The following RBFOX3 variants were observed in gnomAD, a reference collection of about 807,000 sequenced individuals.
The protein encoded by RBFOX3 is RNA binding protein fox-1 homolog 3.
Under a neutral mutation model 48.7 loss-of-function variants are expected in RBFOX3, and 17 were observed. That is an observed-to-expected ratio of 0.35 (90% CI 0.24 to 0.52). The LOEUF (loss-of-function observed/expected upper bound fraction) is 0.52. Among genes scored for constraint, RBFOX3 ranks in the 20% least tolerant of loss-of-function variants. The pLI, the probability that RBFOX3 is intolerant of heterozygous loss-of-function variation, is 0.94. For synonymous variants in RBFOX3, 212 were observed against 209.5 expected (o/e 1.01, Z -0.10); for missense variants, 382 against 497.5 (o/e 0.77, Z 2.21).
At chr17:79,148,129 A>G (rs770698021) in intron 4 of RBFOX3, among the ~76,000 whole-genome samples, 8 of 152,202 alleles carry the variant, frequency 5.3e-5, no homozygotes, top group Non-Finnish European at 1.2e-4. Flanking sequence ...TGTCTGGCAG[A>G]CAGGAACACG....
At chr17:79,472,130 T>C (rs974952538) in intron 2 of RBFOX3, among the ~76,000 whole-genome samples, 2 of 152,252 alleles carry the variant, frequency 1.3e-5, no homozygotes, top group East Asian at 3.9e-4. Flanking sequence ...GGGTGGGCTC[T>C]GGGTCATGCC....
the RBFOX3 span, among the ~76,000 whole-genome samples, chr17:79,631,544 C>T: frequency 2.0e-5 from 3 of 152,152 alleles, no homozygotes; most frequent in Non-Finnish European, 2.9e-5. Flanking sequence ...CATGAGGGAC[C>T]GGCCAGGGCT....
At chr17:79,659,631 C>T in the RBFOX3 span, among the ~76,000 whole-genome samples, 1 of 152,332 alleles carries the variant, frequency 6.6e-6, no homozygotes, top group African/African-American at 2.4e-5. Context: ...ACCCTCCCCA[C>T]TCCCCAGAGA....
chr17:79,189,620 G>A (rs1277827480), intron 4 of RBFOX3, among the ~76,000 whole-genome samples: 3 of 152,178 alleles, frequency 2.0e-5, no homozygotes, highest in Non-Finnish European at 2.9e-5. Context: ...CTGTGATGAC[G>A]CCAAGGAGAG....
At chr17:79,128,043 G>A (rs1225956230) in intron 4 of RBFOX3, among the ~76,000 whole-genome samples, 3 of 152,228 alleles carry the variant, frequency 2.0e-5, no homozygotes, top group South Asian at 4.1e-4. Context: ...ACCGCTCAGC[G>A]CCAGGTTCTA....
At chr17:79,156,841 T>C (rs1413460707) in intron 4 of RBFOX3, among the ~76,000 whole-genome samples, 2 of 152,204 alleles carry the variant, frequency 1.3e-5, no homozygotes, top group African/African-American at 4.8e-5. Context: ...CTTCTGCTGA[T>C]GGGAACTGGC....
the RBFOX3 span, among the ~76,000 whole-genome samples, chr17:79,621,652 G>A: frequency 9.2e-5 from 14 of 152,178 alleles, no homozygotes; most frequent in Non-Finnish European, 1.9e-4. Flanking sequence ...ATAACCCAGT[G>A]TCCTTCAGAA....
chr17:79,507,402 C>T (rs1465856880), intron 1 of RBFOX3, among the ~76,000 whole-genome samples: 1 of 152,156 alleles, frequency 6.6e-6, no homozygotes, highest in Admixed American at 6.5e-5. Context: ...AATTTGGCGT[C>T]CATGGGGGCG....
chr17:79,390,478 CTTTTT>C lies in RBFOX3; in HGVS notation c.-174-82659_-174-82655del, dbSNP rs11330992. 7.1e-6 allele frequency among the ~76,000 whole-genome samples: 1 copy of C among 141,294 alleles called. No homozygotes were observed. Among genetic ancestry groups the C allele is most frequent in the Non-Finnish European group, 1.5e-5 (1 of 64,824 alleles). 92.7% of individuals were successfully genotyped at this position (141,294 alleles called of 152,430 possible). A position where few individuals can be genotyped will look rare whatever the true frequency, so the allele number is the denominator to read the frequency against. On this transcript the variant is annotated intron_variant, in intron 2 of 14. Transcript: ENST00000693108. The surrounding 1 kb of genome is among the most constrained non-coding windows in gnomAD (Gnocchi z 4.2). Reference sequence around the variant, plus strand: ...TGGAAATACAGTCTTTGCGCCACTGCTTTTTTTTTTTTTTTTTAGATGGAGTCTCG... The same window carrying C: ...TGGAAATACAGTCTTTGCGCCACTGCTTTTTTTTTTTTAGATGGAGTCTCG...
chr17:79,319,200 C>A (rs569499522), intron 2 of RBFOX3, among the ~76,000 whole-genome samples: 6 of 152,218 alleles, frequency 3.9e-5, no homozygotes, highest in Admixed American at 6.5e-5. Flanking sequence ...GTTTTTCCTG[C>A]TTTTCTTTCC....
At chr17:79,210,689 G>C (rs1188339742) in intron 4 of RBFOX3, among the ~76,000 whole-genome samples, 2 of 152,212 alleles carry the variant, frequency 1.3e-5, no homozygotes, top group African/African-American at 4.8e-5. Flanking sequence ...TCAAGAGATG[G>C]GGCTGGGGTA....
At chr17:79,121,254 G>T (rs1391791766) in intron 4 of RBFOX3, among the ~76,000 whole-genome samples, 1 of 151,942 alleles carries the variant, frequency 6.6e-6, no homozygotes, top group Non-Finnish European at 1.5e-5. Context: ...ACCATCATAT[G>T]CTCACATCTC....
At chr17:79,331,629 A>C (rs779747734) in intron 2 of RBFOX3, among the ~76,000 whole-genome samples, 4 of 152,202 alleles carry the variant, frequency 2.6e-5, no homozygotes, top group Admixed American at 6.5e-5. Context: ...CGGCACTCCC[A>C]GAAGACGGCA....
intron 3 of RBFOX3, among the ~76,000 whole-genome samples, chr17:79,267,623 T>G (rs1222926933): frequency 1.3e-5 from 2 of 152,154 alleles, no homozygotes; most frequent in Non-Finnish European, 2.9e-5. Flanking sequence ...ACTCCTGACC[T>G]CAGACGATCC....
intron 2 of RBFOX3, among the ~76,000 whole-genome samples, chr17:79,315,055 C>T (rs1036676311): frequency 1.3e-5 from 2 of 152,036 alleles, no homozygotes; most frequent in Non-Finnish European, 2.9e-5. Context: ...ATTGATGGCC[C>T]GCTGCAGGAG....
Position 79,252,596 on chromosome 17 carries a change from G to T in RBFOX3, c.-73-16791C>A, listed in dbSNP as rs1365687295. Among the ~76,000 whole-genome samples, 1 of 152,186 alleles carries T rather than the reference G, an allele frequency of 6.6e-6. No individual in the cohort carries two copies. Among genetic ancestry groups the T allele is most frequent in the Non-Finnish European group, 1.5e-5 (1 of 68,040 alleles). Reference sequence around the variant, plus strand: ...GGTTCCTCGATGGTAAACCAGTGAGGCTCCTTCCTGACTTCTGCCTTCCAG... The same window carrying T: ...GGTTCCTCGATGGTAAACCAGTGAGTCTCCTTCCTGACTTCTGCCTTCCAG... On this transcript the variant is annotated intron_variant, in intron 3 of 14. Transcript: ENST00000693108. The surrounding 1 kb of genome is among the most constrained non-coding windows in gnomAD (Gnocchi z 4.0).
At position 79,111,668 on chromosome 17, in the gene RBFOX3, C is replaced by T. The variant is rs759938031; in HGVS notation, c.222+3826G>A. ...CAGGCTGGTCTGGAAGTCCTGACTT[C>T]GTGATCCACCTGCCTCGGCCTCCCG... On this transcript the variant is annotated intron_variant, in intron 5 of 14. Coordinates refer to ENST00000693108, the MANE Select transcript of RBFOX3 (RefSeq NM_001350451.2). This position sits in a 1 kb window ranked among gnomAD's most constrained non-coding sequence, Gnocchi z 4.2. 2.0e-5 allele frequency among the ~76,000 whole-genome samples: 3 copies of T among 152,190 alleles called. No individual in the cohort carries two copies. The highest frequency in any genetic ancestry group is 2.1e-4 in the South Asian group (1 of 4,834).
At chr17:79,194,980 A>G (rs917980251) in intron 4 of RBFOX3, among the ~76,000 whole-genome samples, 2 of 152,030 alleles carry the variant, frequency 1.3e-5, no homozygotes, top group African/African-American at 4.8e-5. Context: ...GGCCTGCATT[A>G]TGCTTCTATT....
chr17:79,550,474 C>T (rs2091028841), intron 1 of RBFOX3, among the ~76,000 whole-genome samples: 1 of 151,946 alleles, frequency 6.6e-6, no homozygotes. Context: ...CGTCTAGTAC[C>T]CAAGCCTGGG....
Sources: gnomAD v4.1 joint callset for allele counts (sites outside exome capture counted in the v4.1 genomes callset) on GRCh38, gnomAD v4.1.1 for gene constraint, Gnocchi (gnomAD v3.1) non-coding constraint, MANE v1.5 for transcripts, NCBI Gene and HGNC (gene_info 2026-07-23, HGNC 2026-07-21) for gene names.